Variants in CDH8 observed in about 807,000 individuals in gnomAD.
CDH8 encodes the protein cadherin 8.
Under a neutral mutation model 68.1 loss-of-function variants are expected in CDH8, and 17 were observed. That is an observed-to-expected ratio of 0.25 (90% CI 0.17 to 0.37). The LOEUF (loss-of-function observed/expected upper bound fraction) is 0.37, where lower values mean the gene tolerates loss of function less well. CDH8 is among the 10% of genes least tolerant of loss of function. The pLI is 1.00. For missense variants in CDH8, 763 were observed against 999.3 expected (o/e 0.76, Z 3.19); for synonymous variants, 372 against 365.1 (o/e 1.02, Z -0.21).
intron 4 of CDH8, among the ~76,000 whole-genome samples, chr16:61,855,401 T>C (rs1284590551): frequency 2.6e-5 from 4 of 152,160 alleles, no homozygotes; most frequent in Non-Finnish European, 5.9e-5. Context: ...AAACAAATTA[T>C]CTAAATGACA....
At chr16:61,935,307 A>T (rs1016354825) in intron 2 of CDH8, among the ~76,000 whole-genome samples, 4 of 152,192 alleles carry the variant, frequency 2.6e-5, no homozygotes, top group African/African-American at 9.7e-5. Context: ...TCATCATATT[A>T]TTTTATATGA....
At chr16:61,889,094 A>C (rs894279925) in intron 3 of CDH8, among the ~76,000 whole-genome samples, 1 of 152,156 alleles carries the variant, frequency 6.6e-6, no homozygotes. Context: ...GATGTATATG[A>C]GATTATGTGT....
rs35890820 is a variant in CDH8, at chr16:61,894,414, T to A, written c.547+6765A>T. Among the ~76,000 whole-genome samples, 999 of 152,264 alleles carry A rather than the reference T, an allele frequency of 6.6e-3. 11 individuals carry two copies. The highest frequency in any genetic ancestry group is 0.015 in the Admixed American group (233 of 15,278). On this transcript the variant is annotated intron_variant, in intron 3 of 11. Transcript: ENST00000577390. The stretch of plus-strand genomic sequence containing the variant: ...ACGATATTGGGACAGCTGCAGATTA[T>A]TTGATGAGGTCTGTGTATTTGATAT...
At chr16:61,693,083 T>C (rs1247876081) in intron 10 of CDH8, 1 of 152,206 alleles carries the variant, frequency 6.6e-6, no homozygotes, top group African/African-American at 2.4e-5. Context: ...CTCATAATAA[T>C]GTGCAGAGAC....
intron 3 of CDH8, among the ~76,000 whole-genome samples, chr16:61,869,406 G>T (rs1026520879): frequency 6.6e-6 from 1 of 152,162 alleles, no homozygotes; most frequent in African/African-American, 2.4e-5. Flanking sequence ...CAGGTTGGAG[G>T]TATGTAAAGG....
intron 7 of CDH8, among the ~76,000 whole-genome samples, chr16:61,811,824 G>A (rs1202527449): frequency 2.0e-5 from 3 of 152,124 alleles, no homozygotes; most frequent in Non-Finnish European, 4.4e-5. Flanking sequence ...GCATGATTCT[G>A]CTTTTATGAG....
chr16:61,654,810 G>A lies in CDH8; in HGVS notation c.1906+660C>T, dbSNP rs1467264845. On this transcript the variant is annotated intron_variant, in intron 11 of 11. Coordinates refer to ENST00000577390, the MANE Select transcript of CDH8 (RefSeq NM_001796.5). ...AACAAGAAAGACAGTAACTGATACC[G>A]TCTTTATGGTGTTTTGTTCCTCAAG... Among the ~76,000 whole-genome samples, 8 of 152,094 alleles carry A rather than the reference G, an allele frequency of 5.3e-5. No individual in the cohort carries two copies. In the East Asian group the frequency reaches 1.2e-3, roughly 22 times the overall value.
intron 10 of CDH8, among the ~76,000 whole-genome samples, chr16:61,675,617 AT>A (rs1198847466): frequency 2.4e-5 from 2 of 84,726 alleles, no homozygotes; most frequent in Admixed American, 1.0e-4. Context: ...AATAAAAAAA[AT>A]AAAAAAAATA....
At chr16:61,925,330 C>G (rs1462702716) in intron 2 of CDH8, among the ~76,000 whole-genome samples, 1 of 152,176 alleles carries the variant, frequency 6.6e-6, no homozygotes, top group African/African-American at 2.4e-5. Flanking sequence ...TAATAGAACA[C>G]TGAGAAGCTA....
intron 10 of CDH8, among the ~76,000 whole-genome samples, chr16:61,701,673 G>A (rs1004262297): frequency 6.6e-6 from 1 of 152,062 alleles, no homozygotes; most frequent in Non-Finnish European, 1.5e-5. Flanking sequence ...AGCAAGATAC[G>A]GGAAGAGCAA....
At chr16:61,661,804 T>C (rs1404319810) in intron 10 of CDH8, among the ~76,000 whole-genome samples, 1 of 151,730 alleles carries the variant, frequency 6.6e-6, no homozygotes, top group Non-Finnish European at 1.5e-5. Flanking sequence ...TATTTCTATA[T>C]AGTCACACAT....
At chr16:61,815,727 G>A (rs1378361687) in intron 7 of CDH8, among the ~76,000 whole-genome samples, 3 of 152,234 alleles carry the variant, frequency 2.0e-5, no homozygotes, top group African/African-American at 2.4e-5. Context: ...TCTGATTGGT[G>A]TCTCAGTTGA....
In CDH8 at chr16:61,647,709, G is replaced by A. The variant is rs1963235250; in HGVS notation, c.*5899C>T. ...TCCTCTTATTTTTGAGGAATCATAGGATGGCCTGAAGTTCTTTGCATGTAC... is the reference window on the plus strand; with the variant it reads ...TCCTCTTATTTTTGAGGAATCATAGAATGGCCTGAAGTTCTTTGCATGTAC... On this transcript the variant is annotated 3_prime_UTR_variant, in exon 12 of 12. Coordinates refer to ENST00000577390, the MANE Select transcript of CDH8 (RefSeq NM_001796.5). 3.0e-6 allele frequency: 2 copies of A among 667,632 alleles called. No individual in the cohort carries two copies. The highest frequency in any genetic ancestry group is 5.5e-5 in the East Asian group (2 of 36,600). The allele number at this position is 667,632 out of a possible 1,614,324, so 41.4% of individuals were successfully genotyped here.
At chr16:61,997,288 A>G (rs1241248223) in intron 2 of CDH8, among the ~76,000 whole-genome samples, 1 of 152,144 alleles carries the variant, frequency 6.6e-6, no homozygotes, top group Non-Finnish European at 1.5e-5. Flanking sequence ...AACGTAATGC[A>G]TATTTCTTTG....
rs115167660 is a variant in CDH8, at chr16:61,710,316, G to C, written c.1654+3525C>G. Among the ~76,000 whole-genome samples the C allele has an allele frequency of 9.9e-3, 1,509 of 152,100 alleles. 26 individuals are homozygous for C. Among genetic ancestry groups the C allele is most frequent in the African/African-American group, 0.034 (1,419 of 41,504 alleles). On this transcript the variant is annotated intron_variant, in intron 10 of 11. Coordinates refer to ENST00000577390, the MANE Select transcript of CDH8 (RefSeq NM_001796.5). Reference sequence around the variant, plus strand: ...GTATACCATTTGAACTAGGCCACTCGGTTGAGACAGAAATCTATCAGACAA... The same window carrying C: ...GTATACCATTTGAACTAGGCCACTCCGTTGAGACAGAAATCTATCAGACAA...
At chr16:61,706,878 C>A (rs1005094243) in intron 10 of CDH8, among the ~76,000 whole-genome samples, 1 of 152,062 alleles carries the variant, frequency 6.6e-6, no homozygotes, top group Admixed American at 6.6e-5. Flanking sequence ...CTTAAATATT[C>A]CACTTGCCAC....
intron 2 of CDH8, among the ~76,000 whole-genome samples, chr16:61,972,571 G>GGGGGGT (rs369833002): frequency 1.4e-3 from 185 of 131,546 alleles, no homozygotes; most frequent in South Asian, 7.8e-3. Context: ...ACACATTGTG[G>GGGGGGT]GTGTGTGTGT....
intron 2 of CDH8, among the ~76,000 whole-genome samples, chr16:62,006,365 A>G (rs1965975475): frequency 6.6e-6 from 1 of 152,218 alleles, no homozygotes; most frequent in African/African-American, 2.4e-5. Flanking sequence ...CAGAGGAAGT[A>G]TAGGTTTTGG....
chr16:61,972,738 G>T (rs1965365196), intron 2 of CDH8, among the ~76,000 whole-genome samples: 1 of 151,978 alleles, frequency 6.6e-6, no homozygotes, highest in African/African-American at 2.4e-5. Context: ...ACCTAAGAAT[G>T]CTAGGTAATA....
Sources: allele counts gnomAD v4.1 joint callset (sites outside exome capture counted in the v4.1 genomes callset), GRCh38; gene constraint gnomAD v4.1.1; transcripts MANE v1.5; gene names NCBI Gene and HGNC (gene_info 2026-07-23, HGNC 2026-07-21).